The following CYP2A13 variants were observed in gnomAD, a reference collection of about 807,000 sequenced individuals.
CYP2A13 encodes the protein cytochrome P450 2A13.
CYP2A13 carries 30 observed loss-of-function variants against 39.4 expected under a neutral mutation model. The observed-to-expected ratio is 0.76, with a 90% CI of 0.57 to 1.03. CYP2A13 has a LOEUF of 1.03. CYP2A13 is among the 50% of genes least tolerant of loss of function. CYP2A13 has a pLI of 0.00. For synonymous variants in CYP2A13, 269 were observed against 254.7 expected, an observed-to-expected ratio of 1.06 and a Z score of -0.54; for missense variants, 731 against 648.4, an observed-to-expected ratio of 1.13 and a Z score of -1.38.
Position 41,088,571 on chromosome 19 carries a change from C to T in CYP2A13, c.100C>T (p.Pro34Ser). 1.2e-6 allele frequency: 2 copies of T among 1,613,994 alleles called. No individual in the cohort carries two copies. Among genetic ancestry groups the T allele is most frequent in the Non-Finnish European group, 1.7e-6 (2 of 1,179,910 alleles). ...GCAGAGGAAGAGCAGGGGGAAGCTGCCTCCGGGACCCACCCCATTGCCCTT... is the reference window on the plus strand; with the variant it reads ...GCAGAGGAAGAGCAGGGGGAAGCTGTCTCCGGGACCCACCCCATTGCCCTT... ...WRQRKSRGKL[P>S]PGPTPLPFIG... is the part of the protein sequence containing the mutation. The change falls in exon 1 of 9, where the codon CCT becomes TCT. Residue 34 changes from proline (P) to serine (S), a missense_variant. Transcript: ENST00000330436.
rs983228735 is a variant in CYP2A13, at chr19:41,089,961, C to A, written c.344-86C>A. 4.1e-6 allele frequency: 6 copies of A among 1,456,818 alleles called. No homozygotes were observed. The African/African-American group carries it at 8.6e-5, about 21-fold the overall frequency. 90.2% of individuals were successfully genotyped at this position (1,456,818 alleles called of 1,614,324 possible). The stretch of plus-strand genomic sequence containing the variant: ...TCTCCCACCCCACTCCCTCTCTGCT[C>A]CACCCTTGGGGAGCCCCTTGGAGCT... On this transcript the variant is annotated intron_variant, in intron 2 of 8. Coordinates refer to ENST00000330436, the MANE Select transcript of CYP2A13 (RefSeq NM_000766.5).
Position 41,088,452 on chromosome 19 carries a change from T to A in CYP2A13, c.-20T>A. 6.2e-7 allele frequency: 1 copy of A among 1,609,056 alleles called. No homozygotes were observed. The highest frequency in any genetic ancestry group is 8.5e-7 in the Non-Finnish European group (1 of 1,176,920). ...AGGCAAACCACCCCAGCCATCACCA[T>A]CTATCATCCCACTGCCACCATGCTG... On this transcript the variant is annotated 5_prime_UTR_variant, in exon 1 of 9. Coordinates refer to ENST00000330436, the MANE Select transcript of CYP2A13 (RefSeq NM_000766.5).
Position 41,090,539 on chromosome 19 carries a change from A to G in CYP2A13, c.629A>G (p.Gln210Arg), listed in dbSNP as rs1240728632. ...SLLRMMLGSF[Q>R]FTATSTGQLY... ...TTGCGCATGATGCTGGGAAGCTTCC[A>G]GTTCACGGCAACCTCCACGGGGCAG... The change falls in exon 4 of 9, where the codon CAG becomes CGG. Residue 210 changes from glutamine (Q) to arginine (R), a missense_variant. Gln to Arg is a conservative substitution (Grantham distance 43). Coordinates refer to ENST00000330436, the MANE Select transcript of CYP2A13 (RefSeq NM_000766.5). 6.2e-7 allele frequency: 1 copy of G among 1,613,976 alleles called. No individual in the cohort carries two copies. Among genetic ancestry groups the G allele is most frequent in the Non-Finnish European group, 8.5e-7 (1 of 1,179,980 alleles).
intron 2 of CYP2A13, among the ~76,000 whole-genome samples, chr19:41,089,807 T>G (rs1159647297): frequency 8.1e-4 from 1 of 1,234 alleles, no homozygotes; most frequent in Non-Finnish European, 2.0e-3. Context: ...CTACCCGGTC[T>G]CTCTCTCTCT....
intron 2 of CYP2A13, among the ~76,000 whole-genome samples, chr19:41,089,733 C>G (rs1048435132): frequency 4.0e-5 from 6 of 151,766 alleles, no homozygotes; most frequent in African/African-American, 1.5e-4. Context: ...ATCCCCGTAT[C>G]CCTCTGTTTC....
chr19:41,093,613 C>T lies in CYP2A13; in HGVS notation c.832-17C>T, dbSNP rs762480726. 1.2e-6 allele frequency: 2 copies of T among 1,613,958 alleles called. No individual in the cohort carries two copies. Among genetic ancestry groups the T allele is most frequent in the Non-Finnish European group, 1.7e-6 (2 of 1,179,940 alleles). ...GCATGGAGAGTGAGCTTGGTCTAAA[C>T]CGCCCTCTCCCTGCAGGAGGAGAAG... On this transcript the variant is annotated splice_polypyrimidine_tract_variant and intron_variant, in intron 5 of 8. Transcript: ENST00000330436.
In CYP2A13 at chr19:41,088,543, G is replaced by A. The variant is rs1482202062; in HGVS notation, c.72G>A (p.Trp24Ter). 2.5e-6 allele frequency: 4 copies of A among 1,613,896 alleles called. No homozygotes were observed. Among genetic ancestry groups the A allele is most frequent in the Non-Finnish European group, 3.4e-6 (4 of 1,179,906 alleles). ...CLTVMVLMSV[W>*]RQRKSRGKLP... ...CTGTGATGGTCTTGATGTCAGTCTG[G>A]CGGCAGAGGAAGAGCAGGGGGAAGC... Residue 24 changes from tryptophan (W) to a stop codon, truncating the protein, a stop_gained, in exon 1 of 9, where the codon TGG becomes TGA. Transcript: ENST00000330436. LOFTEE classifies it high-confidence loss of function.
chr19:41,090,371 C>A, intron 3 of CYP2A13, 33 bp from the exon 4 acceptor site: 1 of 1,613,552 alleles, frequency 6.2e-7, no homozygotes, highest in Non-Finnish European at 8.5e-7. Context: ...AGTTGACTCT[C>A]TCCCCAACCC....
intron 4 of CYP2A13, among the ~76,000 whole-genome samples, chr19:41,091,414 G>A (rs924509835): frequency 6.6e-6 from 1 of 152,142 alleles, no homozygotes; most frequent in Non-Finnish European, 1.5e-5. Flanking sequence ...TAAACACCTG[G>A]ACAGGTGTCT....
rs2031240288 is a variant in CYP2A13 at position 41,093,741 on chromosome 19, C to T, written c.943C>T (p.Leu315=). ...GAGCACCACCCTGCGCTACGGTTTC[C>T]TGCTGCTCATGAAGCACCCAGAGGT... ...TVSTTLRYGF[L]LLMKHPEVEA... The change falls in exon 6 of 9, where the codon CTG becomes TTG. Residue 315 remains leucine (L), a synonymous_variant. Coordinates refer to ENST00000330436, the MANE Select transcript of CYP2A13 (RefSeq NM_000766.5). 5.6e-6 allele frequency: 9 copies of T among 1,614,022 alleles called. No homozygotes were observed. The highest frequency in any genetic ancestry group is 6.8e-6 in the Non-Finnish European group (8 of 1,180,010).
rs1445873273 is a variant in CYP2A13, at chr19:41,093,156, G to A, written c.832-474G>A. On this transcript the variant is annotated intron_variant, in intron 5 of 8. Coordinates refer to ENST00000330436, the MANE Select transcript of CYP2A13 (RefSeq NM_000766.5). ...GGGTGGGCAGAGGTTGCAATGAGCC[G>A]ATATCACAGCACTGCCCTCCAGCCT... Among the ~76,000 whole-genome samples, 9 of 151,488 alleles carry A rather than the reference G, an allele frequency of 5.9e-5. No homozygotes were observed. The East Asian group carries it at 1.7e-3, about 29-fold the overall frequency.
rs115813762 is a variant in CYP2A13 at position 41,092,543 on chromosome 19, A to G, written c.831+635A>G. On this transcript the variant is annotated intron_variant, in intron 5 of 8. Coordinates refer to ENST00000330436, the MANE Select transcript of CYP2A13 (RefSeq NM_000766.5). The stretch of plus-strand genomic sequence containing the variant: ...TGAAGGAGGTTCAATCATGGCCCCA[A>G]TTGTACAAATGAGGAAACTGAGGCC... 8.4e-3 allele frequency among the ~76,000 whole-genome samples: 1,274 copies of G among 152,200 alleles called. 19 individuals are homozygous for G. Among genetic ancestry groups the G allele is most frequent in the African/African-American group, 0.028 (1,178 of 41,540 alleles).
chr19:41,091,237 C>G (rs59797417), intron 4 of CYP2A13, among the ~76,000 whole-genome samples: 9,368 of 152,278 alleles, frequency 0.062, 641 homozygotes, highest in African/African-American at 0.17. Context: ...GGTATCCCCT[C>G]CACTTCAACA....
chr19:41,090,369 C>G lies in CYP2A13; in HGVS notation c.494-35C>G, dbSNP rs1235919611. The G allele has an allele frequency of 1.9e-6, 3 of 1,613,284 alleles. No individual in the cohort carries two copies. In the African/African-American group the frequency reaches 4.0e-5, roughly 22 times the overall value. ...CTCTCCTCAGACCTCTGAGTTGACT[C>G]TCTCCCCAACCCCCTTCTCCCGCCA... On this transcript the variant is annotated intron_variant, in intron 3 of 8. Transcript: ENST00000330436.
chr19:41,095,014 C>T lies in CYP2A13; in HGVS notation c.1217C>T (p.Ser406Phe). ...GSVLRDPRFF[S>F]NPRDFNPQHF... is the part of the protein sequence containing the mutation. ...GTGCTGAGAGACCCCAGGTTCTTCTCCAACCCCCGGGACTTCAATCCCCAG... is the reference window on the plus strand; with the variant it reads ...GTGCTGAGAGACCCCAGGTTCTTCTTCAACCCCCGGGACTTCAATCCCCAG... The change falls in exon 8 of 9, where the codon TCC (serine) becomes TTC (phenylalanine). Residue 406 changes from serine to phenylalanine, a missense_variant. Physicochemically the swap from Ser to Phe is radical, Grantham distance 155. Transcript: ENST00000330436. 6.2e-7 allele frequency: 1 copy of T among 1,614,122 alleles called. No homozygotes were observed. The highest frequency in any genetic ancestry group is 8.5e-7 in the Non-Finnish European group (1 of 1,180,018).
intron 4 of CYP2A13, among the ~76,000 whole-genome samples, chr19:41,091,138 C>A (rs563508034): frequency 4.1e-4 from 63 of 152,256 alleles, no homozygotes; most frequent in African/African-American, 8.4e-4. Flanking sequence ...TCCCTGACAC[C>A]CAAATAAGTG....
At chr19:41,094,060 C>T (rs2031246703) in intron 6 of CYP2A13, among the ~76,000 whole-genome samples, 185 bp from the exon 7 acceptor site, 2 of 152,188 alleles carry the variant, frequency 1.3e-5, no homozygotes, top group South Asian at 4.1e-4. Context: ...CCCTGTGATT[C>T]TGACACAACC....
intron 2 of CYP2A13, 39 bp from the exon 3 acceptor site, chr19:41,090,007 GC>G (rs1049983500): frequency 1.9e-6 from 3 of 1,558,972 alleles, no homozygotes; most frequent in African/African-American, 1.4e-5. Flanking sequence ...TGCTCCCGCC[GC>G]CCCCTGACCT....
At chr19:41,090,248 G>A (rs1198643102) in intron 3 of CYP2A13, 52 bp downstream of exon 3, 2 of 1,551,200 alleles carry the variant, frequency 1.3e-6, no homozygotes, top group African/African-American at 1.4e-5. Flanking sequence ...TTCTGCCTGG[G>A]GATGGGGACT....
Sources: allele counts gnomAD v4.1 joint callset (sites outside exome capture counted in the v4.1 genomes callset), GRCh38; gene constraint gnomAD v4.1.1; transcripts MANE v1.5; gene names NCBI Gene and HGNC (gene_info 2026-07-23, HGNC 2026-07-21).